The following WDPCP variants were observed in gnomAD, a reference collection of about 807,000 sequenced individuals.
WDPCP encodes the protein WD repeat containing planar cell polarity effector.
In WDPCP, 71 loss-of-function variants were observed where a neutral mutation model predicts 93.1. The observed-to-expected ratio is 0.76, with a 90% CI of 0.63 to 0.93. WDPCP has a LOEUF of 0.93. WDPCP is among the 40% of genes least tolerant of loss of function. The pLI is 0.00. For missense variants in WDPCP, 844 were observed against 887.4 expected, an observed-to-expected ratio of 0.95 and a Z score of 0.62; for synonymous variants, 315 against 315.0, an observed-to-expected ratio of 1.00 and a Z score of 0.00.
intron 1 of WDPCP, among the ~76,000 whole-genome samples, chr2:63,556,581 G>A (rs1706141213): frequency 6.6e-6 from 1 of 152,192 alleles, no homozygotes; most frequent in Non-Finnish European, 1.5e-5. Context: ...ATTCATCTCA[G>A]CCTCCATCCA....
intron 13 of WDPCP, among the ~76,000 whole-genome samples, chr2:63,288,917 T>C (rs1684209607): frequency 6.6e-6 from 1 of 152,112 alleles, no homozygotes; most frequent in Non-Finnish European, 1.5e-5. Flanking sequence ...CAATCGATAC[T>C]CCCCATGACT....
chr2:63,348,110 A>G (rs1220839363), intron 12 of WDPCP, among the ~76,000 whole-genome samples: 1 of 152,190 alleles, frequency 6.6e-6, no homozygotes, highest in Non-Finnish European at 1.5e-5. Flanking sequence ...TACTTAATAC[A>G]TGCTAGTCAC....
chr2:63,794,951 G>A (rs115323283), intron 2 of WDPCP, among the ~76,000 whole-genome samples: 1,863 of 152,266 alleles, frequency 0.012, 17 homozygotes, highest in Non-Finnish European at 0.015. Context: ...CAGGTTATAT[G>A]AACCTTGTGT....
rs1031355682 is a variant in WDPCP at position 63,528,730 on chromosome 2, T to A, written c.76-35790A>T. ...TTTGGTTACATACGAACTTTAAAGT[T>A]GTTTTTCCAATTCTGTGAAGAAAGT... On this transcript the variant is annotated intron_variant, in intron 1 of 17. Coordinates refer to ENST00000272321, the MANE Select transcript of WDPCP (RefSeq NM_015910.7). Among the ~76,000 whole-genome samples the A allele has an allele frequency of 7.9e-5, 12 of 152,220 alleles. No individual in the cohort carries two copies. The East Asian group carries it at 2.1e-3, about 27-fold the overall frequency.
At chr2:63,129,042 T>C (rs1670116332) in intron 17 of WDPCP, among the ~76,000 whole-genome samples, 1 of 152,234 alleles carries the variant, frequency 6.6e-6, no homozygotes, top group South Asian at 2.1e-4. Flanking sequence ...ATTTGTCCTT[T>C]TGAGCCTCAT....
intron 13 of WDPCP, among the ~76,000 whole-genome samples, chr2:63,310,751 T>A (rs1686122881): frequency 6.6e-6 from 1 of 152,084 alleles, no homozygotes; most frequent in Non-Finnish European, 1.5e-5. Flanking sequence ...CTTAGCTCCT[T>A]TGGAGGCTAA....
rs570064661 is a variant in WDPCP at position 63,127,998 on chromosome 2, G to A, written c.2191-5942C>T. Among the ~76,000 whole-genome samples the A allele has an allele frequency of 2.6e-5, 4 of 152,108 alleles. No individual in the cohort carries two copies. In the South Asian group the frequency reaches 8.3e-4, roughly 32 times the overall value. On this transcript the variant is annotated intron_variant, in intron 17 of 17. Transcript: ENST00000272321. ...TTCTAAAAATAAACAAATTAGCCGG[G>A]TGTGGTAGCGTGCTTCTGTAATCCC...
chr2:63,755,527 G>C (rs961376102), intron 2 of WDPCP, among the ~76,000 whole-genome samples: 19 of 152,138 alleles, frequency 1.2e-4, no homozygotes. Context: ...TTCAAGACAA[G>C]AATAACTAAA....
chr2:63,279,160 A>G (rs776320781), intron 13 of WDPCP, among the ~76,000 whole-genome samples: 4 of 152,156 alleles, frequency 2.6e-5, no homozygotes, highest in Non-Finnish European at 4.4e-5. Context: ...TAATACCAAA[A>G]CCAGGGAAGG....
intron 6 of WDPCP, among the ~76,000 whole-genome samples, chr2:63,454,382 T>C (rs973260413): frequency 6.6e-6 from 1 of 151,562 alleles, no homozygotes; most frequent in African/African-American, 2.4e-5. Context: ...AGGGATAGCA[T>C]TGGGAGAAAT....
chr2:63,492,486 A>G (rs1278196106), intron 2 of WDPCP, among the ~76,000 whole-genome samples: 1 of 151,112 alleles, frequency 6.6e-6, no homozygotes, highest in East Asian at 1.9e-4. Flanking sequence ...TTTTTTTTTT[A>G]CCATTCAATA....
intron 1 of WDPCP, among the ~76,000 whole-genome samples, chr2:63,531,367 T>C (rs1358973568): frequency 6.6e-6 from 1 of 152,228 alleles, no homozygotes; most frequent in Non-Finnish European, 1.5e-5. Flanking sequence ...GTCTGAGATC[T>C]GAGAATGGAC....
At chr2:63,141,956 T>C (rs1196013288) in intron 17 of WDPCP, among the ~76,000 whole-genome samples, 1 of 152,208 alleles carries the variant, frequency 6.6e-6, no homozygotes, top group Admixed American at 6.5e-5. Flanking sequence ...TGATCTTTTG[T>C]ATTTCAGTGG....
At chr2:63,333,706 A>G (rs1243116280) in intron 12 of WDPCP, among the ~76,000 whole-genome samples, 3 of 152,194 alleles carry the variant, frequency 2.0e-5, no homozygotes, top group Admixed American at 2.0e-4. Context: ...TGTATTTCTT[A>G]AATGTATTTA....
intron 2 of WDPCP, among the ~76,000 whole-genome samples, chr2:63,799,306 T>C (rs778751895): frequency 4.6e-5 from 7 of 152,170 alleles, no homozygotes; most frequent in Non-Finnish European, 8.8e-5. Context: ...GAGTGAACCA[T>C]AGAAGATAAT....
chr2:63,542,012 ACT>A (rs145170240), intron 1 of WDPCP, among the ~76,000 whole-genome samples: 1 of 152,124 alleles, frequency 6.6e-6, no homozygotes, highest in Non-Finnish European at 1.5e-5. Flanking sequence ...ACACACACAC[ACT>A]CTCTATCAGT....
chr2:63,142,879 T>TACACATACATATATAC (rs1671192947), intron 17 of WDPCP, among the ~76,000 whole-genome samples: 1 of 149,284 alleles, frequency 6.7e-6, no homozygotes, highest in Non-Finnish European at 1.5e-5. Context: ...CATACATATA[T>TACACATACATATATAC]ACACATACAT....
intron 12 of WDPCP, among the ~76,000 whole-genome samples, chr2:63,346,170 C>T (rs1689176102): frequency 6.6e-6 from 1 of 152,210 alleles, no homozygotes; most frequent in African/African-American, 2.4e-5. Context: ...TGGAATGGCT[C>T]TTAGATGCCT....
intron 12 of WDPCP, among the ~76,000 whole-genome samples, chr2:63,333,284 A>G (rs1195695644): frequency 6.6e-6 from 1 of 151,906 alleles, no homozygotes; most frequent in Admixed American, 6.6e-5. Context: ...CAAGGAAGAA[A>G]ATCAAAATGT....
Sources: allele counts gnomAD v4.1 joint callset (sites outside exome capture counted in the v4.1 genomes callset), GRCh38; gene constraint gnomAD v4.1.1; transcripts MANE v1.5; gene names NCBI Gene and HGNC (gene_info 2026-07-23, HGNC 2026-07-21).